The following GLRX3 variants were observed in gnomAD, a reference collection of about 807,000 sequenced individuals.
GLRX3 encodes glutaredoxin-3.
GLRX3 carries 22 observed loss-of-function variants against 49.5 expected under a neutral mutation model. The observed-to-expected ratio is 0.44, with a 90% CI of 0.32 to 0.63. The LOEUF is 0.63. GLRX3 is among the 30% of genes least tolerant of loss of function. The probability of loss-of-function intolerance (pLI) is 0.05; values close to 1 mark genes in which losing one functional copy is unlikely to be tolerated. For missense variants in GLRX3, 385 were observed against 396.3 expected (o/e 0.97, Z 0.24); for synonymous variants, 133 against 140.0 (o/e 0.95, Z 0.35).
At chr10:130,136,570 C>T (rs995519141) in intron 1 of GLRX3, 58 bp downstream of exon 1, 14 of 1,243,458 alleles carry the variant, frequency 1.1e-5, no homozygotes, top group Non-Finnish European at 1.3e-5. Flanking sequence ...GCCGCGAGAC[C>T]GGGCCGGTGT....
chr10:130,147,077 G>C (rs1228220560), intron 2 of GLRX3, among the ~76,000 whole-genome samples: 1 of 152,172 alleles, frequency 6.6e-6, no homozygotes, highest in African/African-American at 2.4e-5. Flanking sequence ...AAATAGGGCA[G>C]ATGTGAATAT....
intron 1 of GLRX3, among the ~76,000 whole-genome samples, chr10:130,138,214 G>A (rs1421650902): frequency 1.3e-5 from 2 of 152,040 alleles, no homozygotes; most frequent in Admixed American, 6.6e-5. Context: ...GGTCCACCAC[G>A]CTGGGCTAAT....
chr10:130,146,764 T>A (rs115210842), intron 2 of GLRX3, among the ~76,000 whole-genome samples: 111 of 152,376 alleles, frequency 7.3e-4, no homozygotes, highest in African/African-American at 2.6e-3. Context: ...TATACTCATA[T>A]ATGGGATTAA....
chr10:130,172,171 C>T (rs951738809), intron 8 of GLRX3, among the ~76,000 whole-genome samples: 1 of 152,154 alleles, frequency 6.6e-6, no homozygotes, highest in Non-Finnish European at 1.5e-5. Context: ...TTTGGAATAA[C>T]TATTTGTCTA....
At chr10:130,151,882 T>A (rs57529201) in intron 2 of GLRX3, among the ~76,000 whole-genome samples, 2,894 of 152,302 alleles carry the variant, frequency 0.019, 104 homozygotes, top group African/African-American at 0.067. Context: ...AGCCTATGTT[T>A]GTCTTTGCAC....
At chr10:130,144,999 T>C (rs1186229360) in intron 1 of GLRX3, among the ~76,000 whole-genome samples, 1 of 152,230 alleles carries the variant, frequency 6.6e-6, no homozygotes, top group Non-Finnish European at 1.5e-5. Context: ...ACTTGAAATA[T>C]CATTGAATTG....
intron 2 of GLRX3, among the ~76,000 whole-genome samples, chr10:130,154,279 C>CG (rs1188621930): frequency 6.6e-6 from 1 of 152,238 alleles, no homozygotes; most frequent in East Asian, 1.9e-4. Flanking sequence ...CCTCCAACCC[C>CG]TTGCGCTTCC....
At chr10:130,158,574 G>T (rs1486800961) in intron 2 of GLRX3, among the ~76,000 whole-genome samples, 1 of 152,128 alleles carries the variant, frequency 6.6e-6, no homozygotes, top group Non-Finnish European at 1.5e-5. Context: ...TGCCCAGTGC[G>T]TAGTGGGCAC....
At chr10:130,140,618 A>G (rs7897193) in intron 1 of GLRX3, among the ~76,000 whole-genome samples, 55,886 of 152,026 alleles carry the variant, frequency 0.37, 10,409 homozygotes, top group South Asian at 0.42. Context: ...ACTCTTCAAA[A>G]CCATGTTAGT....
Position 130,179,537 on chromosome 10 carries a change from C to T in GLRX3, c.*145C>T. The T allele has an allele frequency of 1.6e-6, 1 of 617,442 alleles. No homozygotes were observed. The highest frequency in any genetic ancestry group is 2.9e-6 in the Non-Finnish European group (1 of 343,722). 38.2% of individuals were successfully genotyped at this position (617,442 alleles called of 1,614,324 possible). ...GTTTTGTGTATTTCACAATGTCGTGCTAAATAAATGTATGTTACATTTTTT... is the reference window on the plus strand; with the variant it reads ...GTTTTGTGTATTTCACAATGTCGTGTTAAATAAATGTATGTTACATTTTTT... On this transcript the variant is annotated 3_prime_UTR_variant, in exon 11 of 11. Transcript: ENST00000331244.
intron 10 of GLRX3, among the ~76,000 whole-genome samples, chr10:130,177,801 T>A (rs1456645229): frequency 6.6e-6 from 1 of 152,238 alleles, no homozygotes; most frequent in Non-Finnish European, 1.5e-5. Context: ...GCATCATTCC[T>A]ATTTGAATTT....
chr10:130,171,782 A>G (rs1862814814), intron 8 of GLRX3, 146 bp downstream of exon 8: 4 of 623,248 alleles, frequency 6.4e-6, no homozygotes, highest in South Asian at 3.7e-5. Flanking sequence ...CCTGGACAAC[A>G]TAGTGAGACC....
At chr10:130,152,592 TG>T (rs1023575312) in intron 2 of GLRX3, among the ~76,000 whole-genome samples, 84 of 152,340 alleles carry the variant, frequency 5.5e-4, no homozygotes, top group Admixed American at 1.0e-3. Context: ...TATGAAATTC[TG>T]GGTTGAAAAT....
At chr10:130,169,760 G>A (rs1384036907) in intron 7 of GLRX3, among the ~76,000 whole-genome samples, 1 of 152,216 alleles carries the variant, frequency 6.6e-6, no homozygotes, top group Non-Finnish European at 1.5e-5. Flanking sequence ...TTTACTGGTT[G>A]TATGAGTTGT....
At chr10:130,171,484 T>C in intron 7 of GLRX3, 100 bp from the exon 8 acceptor site, 1 of 757,528 alleles carries the variant, frequency 1.3e-6, no homozygotes, top group South Asian at 1.5e-5. Flanking sequence ...GTGGCAGCTA[T>C]GCTGGACAAG....
chr10:130,146,115 C>A (rs1176589424), intron 2 of GLRX3, among the ~76,000 whole-genome samples: 2 of 152,184 alleles, frequency 1.3e-5, no homozygotes, highest in Non-Finnish European at 2.9e-5. Context: ...CCTTGATCAT[C>A]CTCGGGTGTG....
chr10:130,138,875 G>T (rs1299905858), intron 1 of GLRX3, among the ~76,000 whole-genome samples: 19 of 142,820 alleles, frequency 1.3e-4, no homozygotes, highest in African/African-American at 5.0e-4. Context: ...TTTTGGGGGG[G>T]AGACAGAGTC....
chr10:130,160,222 G>A (rs1172669293), intron 3 of GLRX3, among the ~76,000 whole-genome samples, 153 bp downstream of exon 3: 1 of 152,098 alleles, frequency 6.6e-6, no homozygotes, highest in Non-Finnish European at 1.5e-5. Context: ...TTTTTGCACC[G>A]ATGCTGAGAA....
intron 8 of GLRX3, among the ~76,000 whole-genome samples, chr10:130,172,762 T>G (rs1451949991): frequency 1.3e-5 from 2 of 152,026 alleles, no homozygotes; most frequent in African/African-American, 4.8e-5. Context: ...GCGAACATGG[T>G]GAAACCCCGC....
Sources: allele counts gnomAD v4.1 joint callset (sites outside exome capture counted in the v4.1 genomes callset), GRCh38; gene constraint gnomAD v4.1.1; transcripts MANE v1.5; gene names NCBI Gene and HGNC (gene_info 2026-07-23, HGNC 2026-07-21).